ZC3H12B: variants seen among roughly 807,000 people sequenced by gnomAD.
The protein encoded by ZC3H12B is probable ribonuclease ZC3H12B.
In ZC3H12B, 7 loss-of-function variants were observed where a neutral mutation model predicts 43.9. That is an observed-to-expected ratio of 0.16 (90% CI 0.09 to 0.30). The LOEUF (loss-of-function observed/expected upper bound fraction) is 0.30. Ranked by LOEUF, ZC3H12B falls within the 10% of genes least tolerant of loss-of-function variation. ZC3H12B has a pLI of 1.00. For missense variants in ZC3H12B, 475 were observed against 670.2 expected (o/e 0.71, Z 3.22); for synonymous variants, 222 against 241.7 (o/e 0.92, Z 0.76).
At chrX:65,191,610 A>T in the ZC3H12B span, among the ~76,000 whole-genome samples, 1 of 103,332 alleles carries the variant, frequency 9.7e-6, no homozygotes. Flanking sequence ...GTATTCTCTG[A>T]TGGTAGTTTG....
chrX:65,292,909 G>C, the ZC3H12B span, among the ~76,000 whole-genome samples: 2 of 111,512 alleles, frequency 1.8e-5, no homozygotes, highest in African/African-American at 6.5e-5. Context: ...ACTTAAACCT[G>C]AACAGTCAAA....
At chrX:65,115,601 C>T in the ZC3H12B span, among the ~76,000 whole-genome samples, 2 of 111,528 alleles carry the variant, frequency 1.8e-5, no homozygotes, top group East Asian at 5.7e-4. Context: ...AAACAGTAGA[C>T]CTACTTTTAG....
At chrX:65,321,822 T>A in the ZC3H12B span, among the ~76,000 whole-genome samples, 1 of 110,912 alleles carries the variant, frequency 9.0e-6, no homozygotes, top group Admixed American at 9.6e-5. Flanking sequence ...GTTCTCACTT[T>A]TAAGTGGGAG....
In ZC3H12B at chrX:65,502,786, G is replaced by A. The variant is rs966582167; in HGVS notation, c.2088G>A (p.Leu696=). Residue 696 remains leucine, a synonymous_variant, in exon 5 of 5, where the codon CTG becomes CTA. Coordinates refer to ENST00000338957, the Ensembl canonical transcript of ZC3H12B. ...CAACCCCCCAGCCAGGCCGTGCCCT[G>A]GTGATGACTCGGATGGATAGCATTT... is the stretch of plus-strand genomic sequence containing the variant. 7 of 1,206,874 alleles carry A rather than the reference G, an allele frequency of 5.8e-6. No homozygotes were observed. In the Admixed American group the frequency reaches 1.5e-4, roughly 27 times the overall value.
intron 3 of ZC3H12B, among the ~76,000 whole-genome samples, chrX:65,446,865 A>G (rs1257938357): frequency 8.9e-6 from 1 of 111,937 alleles, no homozygotes; most frequent in Non-Finnish European, 1.9e-5. Context: ...TTCTTGTGTC[A>G]ATAGTTGTTC....
At chrX:65,146,389 C>T in the ZC3H12B span, among the ~76,000 whole-genome samples, 1 of 111,925 alleles carries the variant, frequency 8.9e-6, no homozygotes, top group Non-Finnish European at 1.9e-5. Flanking sequence ...GATTTTCTTA[C>T]ATTGGGCTTC....
At chrX:65,124,910 A>AT in the ZC3H12B span, among the ~76,000 whole-genome samples, 2 of 110,453 alleles carry the variant, frequency 1.8e-5, no homozygotes, top group East Asian at 2.8e-4. Context: ...TGGTCTATCA[A>AT]TTTTTTTATC....
the ZC3H12B span, among the ~76,000 whole-genome samples, chrX:65,180,937 G>A: frequency 3.2e-4 from 36 of 111,133 alleles, 1 homozygote; most frequent in East Asian, 8.5e-3. Context: ...ACGAGTCCAT[G>A]GAGCCAAGAC....
At chrX:65,377,878 C>G (rs981951081) in intron 2 of ZC3H12B, among the ~76,000 whole-genome samples, 1 of 110,878 alleles carries the variant, frequency 9.0e-6, no homozygotes, top group African/African-American at 3.3e-5. Context: ...GTGGGCAGAT[C>G]ACGAGGTCAG....
At chrX:65,239,501 C>A in the ZC3H12B span, among the ~76,000 whole-genome samples, 1 of 110,202 alleles carries the variant, frequency 9.1e-6, no homozygotes, top group Non-Finnish European at 1.9e-5. Flanking sequence ...CTTTTGAAGA[C>A]AGCATACTGA....
the ZC3H12B span, among the ~76,000 whole-genome samples, chrX:65,355,503 C>T: frequency 1.8e-5 from 2 of 111,213 alleles, no homozygotes; most frequent in South Asian, 7.7e-4. Context: ...GATTTTGCTA[C>T]ACTTTTTTCA....
upstream of ZC3H12B, among the ~76,000 whole-genome samples, chrX:65,362,651 C>A (rs1464874150): frequency 9.1e-6 from 1 of 110,419 alleles, no homozygotes; most frequent in African/African-American, 3.3e-5. Context: ...CATTACTATC[C>A]CATTAAAACA....
chrX:65,083,494 G>T, the ZC3H12B span, among the ~76,000 whole-genome samples: 8 of 111,723 alleles, frequency 7.2e-5, no homozygotes, highest in Non-Finnish European at 1.5e-4. Flanking sequence ...AATTGAAAGA[G>T]TAATCCCATT....
At chrX:65,255,392 G>A in the ZC3H12B span, among the ~76,000 whole-genome samples, 1 of 111,390 alleles carries the variant, frequency 9.0e-6, no homozygotes, top group Non-Finnish European at 1.9e-5. Context: ...GAAATTGAGG[G>A]CCTATAAGCA....
At chrX:65,304,684 C>A in the ZC3H12B span, among the ~76,000 whole-genome samples, 1 of 109,376 alleles carries the variant, frequency 9.1e-6, no homozygotes, top group Admixed American at 9.7e-5. Flanking sequence ...TAAATCCAAC[C>A]CAGTCATTAA....
chrX:65,179,587 G>C, the ZC3H12B span, among the ~76,000 whole-genome samples: 1 of 109,883 alleles, frequency 9.1e-6, no homozygotes, highest in Non-Finnish European at 1.9e-5. Context: ...AAAATAGATA[G>C]ACCACCAGCC....
At chrX:65,059,219 A>ACCCCCCCCCCCCC in the ZC3H12B span, among the ~76,000 whole-genome samples, 1 of 38,473 alleles carries the variant, frequency 2.6e-5, no homozygotes, top group Non-Finnish European at 4.9e-5. Flanking sequence ...TCTTGGAACC[A>ACCCCCCCCCCCCC]CCCCCCCCCC....
At chrX:65,464,137 C>T in intron 3 of ZC3H12B, among the ~76,000 whole-genome samples, 1 of 112,227 alleles carries the variant, frequency 8.9e-6, no homozygotes, top group Middle Eastern at 4.6e-3. Flanking sequence ...CTTTTGCTCC[C>T]AATGGGAGAT....
At chrX:65,481,573 C>A (rs1448561615) in intron 3 of ZC3H12B, among the ~76,000 whole-genome samples, 1 of 111,546 alleles carries the variant, frequency 9.0e-6, no homozygotes, top group Non-Finnish European at 1.9e-5. Context: ...TTACCAGCAT[C>A]CTAAACTCAT....
Sources: allele counts gnomAD v4.1 joint callset (sites outside exome capture counted in the v4.1 genomes callset), GRCh38; gene constraint gnomAD v4.1.1; transcripts MANE v1.5; gene names NCBI Gene and HGNC (gene_info 2026-07-23, HGNC 2026-07-21).